Variants in ZNF24 observed in about 807,000 individuals in gnomAD.
ZNF24 encodes the protein zinc finger protein 24.
A neutral mutation model predicts 40.9 loss-of-function variants in ZNF24; 11 were observed. The observed-to-expected ratio is 0.27, with a 90% CI of 0.17 to 0.45. The LOEUF (loss-of-function observed/expected upper bound fraction) is 0.45, where lower values mean the gene tolerates loss of function less well. Ranked by LOEUF, ZNF24 falls within the 20% of genes least tolerant of loss-of-function variation. The probability of loss-of-function intolerance (pLI) is 1.00; values close to 1 mark genes in which losing one functional copy is unlikely to be tolerated. For missense variants in ZNF24, 293 were observed against 437.7 expected (o/e 0.67, Z 2.95); for synonymous variants, 139 against 154.7 (o/e 0.90, Z 0.75).
Position 35,337,278 on chromosome 18 carries a change from T to A in ZNF24, c.1061A>T (p.Gln354Leu). The stretch of plus-strand genomic sequence containing the variant: ...AAGTTTTTCTGCATTGTGTCTTCTC[T>A]GATGTCTAAAAAGATTTGAGCTTTG... ...YSQSSNLFRH[Q>L]RRHNAEKLLN... The change falls in exon 4 of 4, where the codon CAG becomes CTG. Residue 354 changes from glutamine to leucine, a missense_variant. By Grantham distance (113) the Gln-to-Leu change is moderately radical (BLOSUM62 -2). This residue lies in a region of ZNF24 where 59 missense variants were observed against 138.6 expected (regional missense o/e 0.43). Coordinates refer to ENST00000261332, the MANE Select transcript of ZNF24 (RefSeq NM_006965.4). 1 of 1,560,936 alleles carries A rather than the reference T, an allele frequency of 6.4e-7. No homozygotes were observed. The highest frequency in any genetic ancestry group is 1.2e-5 in the South Asian group (1 of 82,626).
At position 35,337,397 on chromosome 18, in the gene ZNF24, T is replaced by C; in HGVS notation, c.942A>G (p.Lys314=). The part of the protein sequence containing the change: ...EKPYKCLECG[K]AFSQNSGLIN... ...TAAGCCCCGAATTCTGGCTAAAGGC[T>C]TTCCCACATTCAAGACATTTGTAAG... The change falls in exon 4 of 4, where the codon AAA becomes AAG. Residue 314 remains lysine (K), a synonymous_variant. Transcript: ENST00000261332. The C allele has an allele frequency of 6.2e-7, 1 of 1,614,102 alleles. No homozygotes were observed. The highest frequency in any genetic ancestry group is 8.5e-7 in the Non-Finnish European group (1 of 1,179,966).
chr18:35,338,615 A>G, intron 3 of ZNF24: 2 of 995,064 alleles, frequency 2.0e-6, no homozygotes, highest in Non-Finnish European at 2.4e-6. Context: ...GCCTTCAGCG[A>G]AGAGGAAAAC....
intron 1 of ZNF24, chr18:35,343,751 G>A (rs1440773440): frequency 6.6e-6 from 1 of 152,310 alleles, no homozygotes; most frequent in Non-Finnish European, 1.5e-5. Flanking sequence ...TACCGCTTGT[G>A]GGAAATGGAG....
rs2044922533 is a variant in ZNF24 at position 35,337,497 on chromosome 18, C to T, written c.842G>A (p.Cys281Tyr). The change falls in exon 4 of 4, where the codon TGT becomes TAT. Residue 281 changes from cysteine to tyrosine, a missense_variant. This residue lies in a region of ZNF24 where 59 missense variants were observed against 138.6 expected (regional missense o/e 0.43). Transcript: ENST00000261332. ...RIHSGEKPYG[C>Y]VECGKAFSRS... ...GCTGAATGCTTTCCCACACTCAACA[C>T]ATCCATAAGGTTTCTCCCCACTGTG... The T allele has an allele frequency of 6.2e-7, 1 of 1,614,122 alleles. No homozygotes were observed. Among genetic ancestry groups the T allele is most frequent in the Non-Finnish European group, 8.5e-7 (1 of 1,179,948 alleles).
In ZNF24 at chr18:35,340,315, A is replaced by G. The variant is rs933124718; in HGVS notation, c.336T>C (p.Val112=). Residue 112 remains valine (V), a synonymous_variant, in exon 2 of 4, where the codon GTT becomes GTC. Transcript: ENST00000261332. This position sits in a 1 kb window ranked among gnomAD's most constrained non-coding sequence, Gnocchi z 4.6. ...CTCCATTCTCTGGATGATGATCTCG[A>G]ACCCAAGTCTGTAGCTCTTTGGGTA... ...AILPKELQTW[V]RDHHPENGEE... 2 of 1,614,070 alleles carry G rather than the reference A, an allele frequency of 1.2e-6. No individual in the cohort carries two copies. The highest frequency in any genetic ancestry group is 1.7e-6 in the Non-Finnish European group (2 of 1,180,040).
Position 35,340,049 on chromosome 18 carries a change from C to T in ZNF24, c.421-73G>A. ...AGAACTAAAAACACGTAAGAGAAAC[C>T]CCATGAAACAAATACTGCAGAAGCC... On this transcript the variant is annotated intron_variant, in intron 2 of 3. Coordinates refer to ENST00000261332, the MANE Select transcript of ZNF24 (RefSeq NM_006965.4). This position sits in a 1 kb window ranked among gnomAD's most constrained non-coding sequence, Gnocchi z 4.6. The T allele has an allele frequency of 1.9e-6, 3 of 1,542,368 alleles. No homozygotes were observed. The highest frequency in any genetic ancestry group is 2.6e-6 in the Non-Finnish European group (3 of 1,134,348).
chr18:35,342,504 G>A (rs1159387971), intron 1 of ZNF24: 2 of 150,948 alleles, frequency 1.3e-5, no homozygotes, highest in Non-Finnish European at 2.9e-5. Context: ...CCAATCCAGC[G>A]AGGTCCATTC....
intron 3 of ZNF24, chr18:35,338,331 A>T: frequency 1.0e-6 from 1 of 985,526 alleles, no homozygotes; most frequent in Non-Finnish European, 1.2e-6. Flanking sequence ...TCCTGTGTTA[A>T]CCAAAGACAT....
rs2044899066 is a variant in ZNF24 at position 35,335,585 on chromosome 18, A to G, written c.*1647T>C. 2.6e-5 allele frequency: 4 copies of G among 152,118 alleles called. No individual in the cohort carries two copies. The South Asian group carries it at 8.3e-4, about 32-fold the overall frequency. 9.4% of individuals were successfully genotyped at this position (152,118 alleles called of 1,614,324 possible). A position where few individuals can be genotyped will look rare whatever the true frequency, so the allele number is the denominator to read the frequency against. On this transcript the variant is annotated 3_prime_UTR_variant, in exon 4 of 4. Transcript: ENST00000261332. The stretch of plus-strand genomic sequence containing the variant: ...GGAAATATTTGTATTCACATGGGTC[A>G]TTTTCCACACAATGATGCCCATTAT...
At position 35,333,189 on chromosome 18, in the gene ZNF24, G is replaced by GA. The variant is rs2044873542; in HGVS notation, c.*4042dup. Reference sequence around the variant, plus strand: ...TACTTTGGCAATGTAATAGCGAGAGGAAAAAAATTAAGGGAATAAATAATG... The same window carrying GA: ...TACTTTGGCAATGTAATAGCGAGAGGAAAAAAAATTAAGGGAATAAATAATG... On this transcript the variant is annotated 3_prime_UTR_variant, in exon 4 of 4. Coordinates refer to ENST00000261332, the MANE Select transcript of ZNF24 (RefSeq NM_006965.4). The GA allele has an allele frequency of 6.6e-6, 1 of 151,888 alleles. No homozygotes were observed. Among genetic ancestry groups the GA allele is most frequent in the Admixed American group, 6.6e-5 (1 of 15,246 alleles). 9.4% of individuals were successfully genotyped at this position (151,888 alleles called of 1,614,324 possible).
Position 35,334,636 on chromosome 18 carries a change from T to C in ZNF24, c.*2596A>G, listed in dbSNP as rs994463254. 9.0e-6 allele frequency: 1 copy of C among 111,116 alleles called. No individual in the cohort carries two copies. The highest frequency in any genetic ancestry group is 1.9e-5 in the Non-Finnish European group (1 of 52,634). The allele number at this position is 111,116 out of a possible 1,614,324, so 6.9% of individuals were successfully genotyped here. On this transcript the variant is annotated 3_prime_UTR_variant, in exon 4 of 4. Transcript: ENST00000261332. Reference sequence around the variant, plus strand: ...ACTGCTCATTTGCTAACCAAACAGATACTCTGGCGATGCCACTGCTTGGCA... The same window carrying C: ...ACTGCTCATTTGCTAACCAAACAGACACTCTGGCGATGCCACTGCTTGGCA...
Position 35,337,212 on chromosome 18 carries a change from CTTT to C in ZNF24, c.*17_*19del, listed in dbSNP as rs371928337. On this transcript the variant is annotated 3_prime_UTR_variant, in exon 4 of 4. Coordinates refer to ENST00000261332, the MANE Select transcript of ZNF24 (RefSeq NM_006965.4). ...GAAGAAAAAGACCTGAGTGCTGATTCTTTTTTTTTTTTCAATTTCTTAAACTTT... is the reference window on the plus strand; with the variant it reads ...GAAGAAAAAGACCTGAGTGCTGATTCTTTTTTTTTCAATTTCTTAAACTTT... 6.0e-5 allele frequency: 63 copies of C among 1,057,956 alleles called. No individual in the cohort carries two copies. The highest frequency in any genetic ancestry group is 7.9e-5 in the Non-Finnish European group (62 of 786,630). 65.5% of individuals were successfully genotyped at this position (1,057,956 alleles called of 1,614,324 possible).
At position 35,335,316 on chromosome 18, in the gene ZNF24, T is replaced by C. The variant is rs1292272920; in HGVS notation, c.*1916A>G. The stretch of plus-strand genomic sequence containing the variant: ...AGACCCAAACAAAAGTCCCTACATT[T>C]TCTTGTATAACTTAAAATACATTAT... On this transcript the variant is annotated 3_prime_UTR_variant, in exon 4 of 4. Coordinates refer to ENST00000261332, the MANE Select transcript of ZNF24 (RefSeq NM_006965.4). 2 of 152,222 alleles carry C rather than the reference T, an allele frequency of 1.3e-5. No homozygotes were observed. Among genetic ancestry groups the C allele is most frequent in the Non-Finnish European group, 2.9e-5 (2 of 68,028 alleles). 9.4% of individuals were successfully genotyped at this position (152,222 alleles called of 1,614,324 possible). A position where few individuals can be genotyped will look rare whatever the true frequency, so the allele number is the denominator to read the frequency against.
chr18:35,340,611 T>C lies in ZNF24; in HGVS notation c.40A>G (p.Ile14Val). 2 of 1,613,994 alleles carry C rather than the reference T, an allele frequency of 1.2e-6. No homozygotes were observed. The highest frequency in any genetic ancestry group is 1.7e-6 in the Non-Finnish European group (2 of 1,180,024). The stretch of plus-strand genomic sequence containing the variant: ...TTTTCCTCTTCATCTGGAGTTGGGA[T>C]GATAAGTATTGAATCTTCTTCCACT... The part of the protein sequence containing the change: ...QSVEEDSILI[I>V]PTPDEEEKIL... Residue 14 changes from isoleucine to valine, a missense_variant, in exon 2 of 4, where the codon ATC (isoleucine) becomes GTC (valine). By Grantham distance (29) the Ile-to-Val change is conservative (BLOSUM62 3). Around this residue, in one of 2 missense-constraint regions of ZNF24, gnomAD observed 234 missense variants for 299.2 expected, o/e 0.78. Transcript: ENST00000261332. The surrounding 1 kb of genome is among the most constrained non-coding windows in gnomAD (Gnocchi z 4.6).
At position 35,340,037 on chromosome 18, in the gene ZNF24, C is replaced by G. The variant is rs1042945181; in HGVS notation, c.421-61G>C. 1 of 1,559,566 alleles carries G rather than the reference C, an allele frequency of 6.4e-7. No homozygotes were observed. Among genetic ancestry groups the G allele is most frequent in the Middle Eastern group, 1.7e-4 (1 of 5,834 alleles). On this transcript the variant is annotated intron_variant, in intron 2 of 3. Transcript: ENST00000261332. This position sits in a 1 kb window ranked among gnomAD's most constrained non-coding sequence, Gnocchi z 4.6. ...GTAATGAGAATCAGAACTAAAAACA[C>G]GTAAGAGAAACCCCATGAAACAAAT...
intron 1 of ZNF24, among the ~76,000 whole-genome samples, chr18:35,341,261 T>C (rs534615361): frequency 1.1e-4 from 17 of 152,310 alleles, no homozygotes; most frequent in Non-Finnish European, 2.4e-4. Context: ...AAGATTATAA[T>C]GGAGCTGAAA....
rs533381608 is a variant in ZNF24 at position 35,339,136 on chromosome 18, G to C, written c.568+693C>G. ...ATAAACATGAGAAAGCAATCTAGCA[G>C]TTTTAGGAATATACTGGGCCATATC... On this transcript the variant is annotated intron_variant, in intron 3 of 3. Transcript: ENST00000261332. The C allele has an allele frequency of 1.1e-5, 14 of 1,220,586 alleles. No homozygotes were observed. In the East Asian group the frequency reaches 3.3e-4, roughly 29 times the overall value. The allele number at this position is 1,220,586 out of a possible 1,614,324, so 75.6% of individuals were successfully genotyped here.
chr18:35,332,744 C>A lies in ZNF24; in HGVS notation c.*4488G>T, dbSNP rs1205551200. On this transcript the variant is annotated 3_prime_UTR_variant, in exon 4 of 4. Coordinates refer to ENST00000261332, the MANE Select transcript of ZNF24 (RefSeq NM_006965.4). The stretch of plus-strand genomic sequence containing the variant: ...TAAGCCACAGGGAATAGGTTCCCCA[C>A]AAATAAATAAAGGTTGTGTTACCAG... 4 of 152,570 alleles carry A rather than the reference C, an allele frequency of 2.6e-5. No homozygotes were observed. Among genetic ancestry groups the A allele is most frequent in the Non-Finnish European group, 5.9e-5 (4 of 68,052 alleles). 9.5% of individuals were successfully genotyped at this position (152,570 alleles called of 1,614,324 possible). A position where few individuals can be genotyped will look rare whatever the true frequency, so the allele number is the denominator to read the frequency against.
intron 3 of ZNF24, chr18:35,338,613 C>G (rs539738784): frequency 1.2e-5 from 12 of 993,344 alleles, no homozygotes; most frequent in Non-Finnish European, 1.3e-5. Context: ...CTGCCTTCAG[C>G]GAAGAGGAAA....
Sources: allele counts gnomAD v4.1 joint callset (sites outside exome capture counted in the v4.1 genomes callset), GRCh38; gene constraint gnomAD v4.1.1; regional missense constraint gnomAD v4.1.1; non-coding constraint Gnocchi (gnomAD v3.1); transcripts MANE v1.5; gene names NCBI Gene and HGNC (gene_info 2026-07-23, HGNC 2026-07-21).